Variants in CACNA1S observed in about 807,000 individuals in gnomAD.
The protein encoded by CACNA1S is voltage-dependent L-type calcium channel subunit alpha-1S.
Under a neutral mutation model 207.4 loss-of-function variants are expected in CACNA1S, and 126 were observed. The ratio of observed to expected loss-of-function variants is 0.61; its 90% confidence interval spans 0.53 to 0.70. The LOEUF is 0.70. Ranked by LOEUF, CACNA1S falls within the 30% of genes least tolerant of loss-of-function variation. The probability of loss-of-function intolerance (pLI) is 0.00; values close to 1 mark genes in which losing one functional copy is unlikely to be tolerated. For synonymous variants in CACNA1S, 960 were observed against 932.7 expected (o/e 1.03, Z -0.53); for missense variants, 2,349 against 2,422.8 (o/e 0.97, Z 0.64).
At chr1:201,043,601 A>C (rs1383384160) in intron 39 of CACNA1S, 70 bp from the exon 40 acceptor site, 1 of 1,395,324 alleles carries the variant, frequency 7.2e-7, no homozygotes, top group Non-Finnish European at 1.0e-6. Context: ...TCACTCTGGG[A>C]CAGTGGTATT....
At position 201,089,290 on chromosome 1, in the gene CACNA1S, T is replaced by C. The variant is rs749324671; in HGVS notation, c.868A>G (p.Thr290Ala). 8 of 1,614,122 alleles carry C rather than the reference T, an allele frequency of 5.0e-6. No homozygotes were observed. In the Admixed American group the frequency reaches 1.2e-4, roughly 24 times the overall value. Residue 290 changes from threonine (T) to alanine (A), a missense_variant, in exon 6 of 44, where the codon ACC becomes GCC. By Grantham distance (58) the Thr-to-Ala change is moderately conservative (BLOSUM62 0). Transcript: ENST00000362061. ...FSMLTVYQCI[T>A]MEGWTDVLYW... ...AGGACGTCAGTCCATCCCTCCATGG[T>C]AATGCACTGGTACACGGTGAGCATG...
At chr1:201,095,250 AG>A (rs1311571911) in intron 2 of CACNA1S, among the ~76,000 whole-genome samples, 1 of 151,868 alleles carries the variant, frequency 6.6e-6, no homozygotes, top group Non-Finnish European at 1.5e-5. Context: ...GAGTTACACA[AG>A]GGGGTCTGTA....
Position 201,091,999 on chromosome 1 carries a change from G to A in CACNA1S, c.514C>T (p.Pro172Ser), listed in dbSNP as rs370041629. 1.1e-5 allele frequency: 18 copies of A among 1,614,046 alleles called. No individual in the cohort carries two copies. Among genetic ancestry groups the A allele is most frequent in the Non-Finnish European group, 1.4e-5 (17 of 1,180,032 alleles). The change falls in exon 4 of 44, where the codon CCC becomes TCC. Residue 172 changes from proline (P) to serine (S), a missense_variant. Pro to Ser is a moderately conservative substitution (Grantham distance 74, BLOSUM62 -1). Transcript: ENST00000362061. ...KALRAFRVLRPLRLVSGVPSL... is the reference protein window; with the variant it reads ...KALRAFRVLRSLRLVSGVPSL... ...GGCACCCCCGACACCAGCCGGAGGG[G>A]TCTGAGCACTCGGAAGGCTCTGAGG...
intron 16 of CACNA1S, among the ~76,000 whole-genome samples, chr1:201,070,830 G>A (rs537608983): frequency 1.6e-4 from 25 of 152,260 alleles, no homozygotes; most frequent in East Asian, 7.7e-4. Flanking sequence ...CTTCCTTAGC[G>A]TCAGTTTCCA....
intron 10 of CACNA1S, among the ~76,000 whole-genome samples, chr1:201,082,876 G>A (rs1572054628): frequency 6.6e-6 from 1 of 152,198 alleles, no homozygotes; most frequent in East Asian, 1.9e-4. Context: ...CGGACACCTG[G>A]GCAAGCACCT....
Position 201,047,099 on chromosome 1 carries a change from C to A in CACNA1S, c.4668+16G>T, listed in dbSNP as rs765643206. 3 of 1,614,130 alleles carry A rather than the reference C, an allele frequency of 1.9e-6. No homozygotes were observed. The highest frequency in any genetic ancestry group is 2.5e-6 in the Non-Finnish European group (3 of 1,180,008). Reference sequence around the variant, plus strand: ...CAGTGGGGGAGCCCCTTGGAACATACCTGGATTGGGCTTACCTGGATCTGT... The same window carrying A: ...CAGTGGGGGAGCCCCTTGGAACATAACTGGATTGGGCTTACCTGGATCTGT... On this transcript the variant is annotated intron_variant, in intron 38 of 43. Transcript: ENST00000362061.
chr1:201,091,628 C>T lies in CACNA1S; in HGVS notation c.694+12G>A. Reference sequence around the variant, plus strand: ...GCCCTGCCCCACAGCCCCACTTTCCCTGGGAGCTCACCTGTACCAATGAAG... The same window carrying T: ...GCCCTGCCCCACAGCCCCACTTTCCTTGGGAGCTCACCTGTACCAATGAAG... On this transcript the variant is annotated intron_variant, in intron 5 of 43. Transcript: ENST00000362061. The T allele has an allele frequency of 6.2e-7, 1 of 1,614,164 alleles. No homozygotes were observed. The highest frequency in any genetic ancestry group is 8.5e-7 in the Non-Finnish European group (1 of 1,179,988).
At position 201,040,374 on chromosome 1, in the gene CACNA1S, A is replaced by G; in HGVS notation, c.5227T>C (p.Cys1743Arg). The G allele has an allele frequency of 6.2e-7, 1 of 1,613,228 alleles. No homozygotes were observed. The highest frequency in any genetic ancestry group is 2.2e-5 in the East Asian group (1 of 44,882). ...GGCATGGAGGACTCCACCCTGGGGC[A>G]CTGTTCCAAAGGTACAAAAGCAAAG... ...RGQAPPAPCQCPRVESSMPED... is the reference protein window; with the variant it reads ...RGQAPPAPCQRPRVESSMPED... The change falls in exon 43 of 44, where the codon TGC becomes CGC. Residue 1743 changes from cysteine (C) to arginine (R), a missense_variant and splice_region_variant. Coordinates refer to ENST00000362061, the MANE Select transcript of CACNA1S (RefSeq NM_000069.3).
At chr1:201,060,049 C>G (rs552649646) in intron 26 of CACNA1S, among the ~76,000 whole-genome samples, 1 of 152,206 alleles carries the variant, frequency 6.6e-6, no homozygotes, top group African/African-American at 2.4e-5. Context: ...TGATCCTCTG[C>G]GACCTGGGCC....
At position 201,040,620 on chromosome 1, in the gene CACNA1S, A is replaced by G; in HGVS notation, c.5226+2T>C. The G allele has an allele frequency of 6.2e-7, 1 of 1,612,488 alleles. No homozygotes were observed. The highest frequency in any genetic ancestry group is 8.5e-7 in the Non-Finnish European group (1 of 1,178,876). On this transcript the variant is annotated splice_donor_variant, in intron 42 of 43. Coordinates refer to ENST00000362061, the MANE Select transcript of CACNA1S (RefSeq NM_000069.3). LOFTEE classifies it high-confidence loss of function. The stretch of plus-strand genomic sequence containing the variant: ...TTGCTCCCAGGCCTCTGCCACTGTT[A>G]CCTGGCAGGGGGCAGGAGGTGCCTG...
intron 7 of CACNA1S, among the ~76,000 whole-genome samples, chr1:201,086,342 A>G (rs923229063): frequency 9.9e-5 from 15 of 152,258 alleles, no homozygotes; most frequent in Non-Finnish European, 2.2e-4. Flanking sequence ...AAACCATAGC[A>G]TGACAAAGAA....
intron 2 of CACNA1S, among the ~76,000 whole-genome samples, chr1:201,100,100 A>T (rs544132063): frequency 9.8e-5 from 15 of 152,330 alleles, no homozygotes; most frequent in Admixed American, 2.6e-4. Context: ...AAGCACCAGA[A>T]TAGCTGCAGT....
chr1:201,075,784 C>G (rs1661590723), intron 12 of CACNA1S, among the ~76,000 whole-genome samples, 169 bp from the exon 13 acceptor site: 1 of 152,212 alleles, frequency 6.6e-6, no homozygotes, highest in Admixed American at 6.5e-5. Context: ...AACCCCTATT[C>G]CAGCTGGGGA....
Position 201,048,649 on chromosome 1 carries a change from G to T in CACNA1S, c.4374C>A (p.Asp1458Glu). Residue 1458 changes from aspartate to glutamate, a missense_variant, in exon 36 of 44, where the codon GAC (aspartate) becomes GAA (glutamate). Transcript: ENST00000362061. ...GTGTGGCATTGAAGGTGACTGTGCC[G>T]TCGCTGTTCAGGGGCATGTTCATGC... is the stretch of plus-strand genomic sequence containing the variant. Reference protein sequence around the residue: ...LVGMNMPLNSDGTVTFNATLF... With the variant: ...LVGMNMPLNSEGTVTFNATLF... 6.2e-7 allele frequency: 1 copy of T among 1,613,722 alleles called. No individual in the cohort carries two copies. The highest frequency in any genetic ancestry group is 8.5e-7 in the Non-Finnish European group (1 of 1,180,002).
In CACNA1S at chr1:201,040,424, A is replaced by C. The variant is rs1160758535; in HGVS notation, c.5227-50T>G. The C allele has an allele frequency of 1.7e-5, 27 of 1,605,614 alleles. No individual in the cohort carries two copies. The Admixed American group carries it at 4.2e-4, about 25-fold the overall frequency. ...GACCCCGACAGGGGTGCTGGAGCCC[A>C]CCAATGAGCAAAATTCCAGATCATC... On this transcript the variant is annotated intron_variant, in intron 42 of 43. Transcript: ENST00000362061.
chr1:201,046,520 AC>A (rs1333720275), intron 38 of CACNA1S, among the ~76,000 whole-genome samples: 2 of 149,814 alleles, frequency 1.3e-5, no homozygotes, highest in Admixed American at 1.3e-4. Flanking sequence ...TTCATGGATC[AC>A]CTTTCTTTAG....
intron 2 of CACNA1S, among the ~76,000 whole-genome samples, chr1:201,104,093 T>C (rs1217531000): frequency 6.6e-6 from 1 of 152,236 alleles, no homozygotes; most frequent in Non-Finnish European, 1.5e-5. Context: ...AAGGATGCCA[T>C]ATCTTTGTAA....
intron 27 of CACNA1S, 120 bp downstream of exon 27, chr1:201,059,069 G>A: frequency 1.5e-6 from 1 of 670,290 alleles, no homozygotes; most frequent in Admixed American, 2.3e-5. Context: ...GAGCAAGTTG[G>A]GAGCAGAAGT....
chr1:201,090,506 TGAG>T (rs1183513761), intron 5 of CACNA1S, among the ~76,000 whole-genome samples: 1 of 152,158 alleles, frequency 6.6e-6, no homozygotes, highest in Non-Finnish European at 1.5e-5. Context: ...TCAGCGGTCA[TGAG>T]GAGGTGAGTA....
Sources: gnomAD v4.1 joint callset for allele counts (sites outside exome capture counted in the v4.1 genomes callset) on GRCh38, gnomAD v4.1.1 for gene constraint, MANE v1.5 for transcripts, NCBI Gene and HGNC (gene_info 2026-07-23, HGNC 2026-07-21) for gene names.